The following RPS6KC1 variants were observed in gnomAD, a reference collection of about 807,000 sequenced individuals.
RPS6KC1 encodes the protein ribosomal protein S6 kinase C1.
A neutral mutation model predicts 103.8 loss-of-function variants in RPS6KC1; 54 were observed. The observed-to-expected ratio is 0.52, with a 90% confidence interval of 0.42 to 0.65. The LOEUF is 0.65. Among genes scored for constraint, RPS6KC1 ranks in the 30% least tolerant of loss-of-function variants. The pLI is 0.00. For synonymous variants in RPS6KC1, 439 were observed against 438.7 expected, an observed-to-expected ratio of 1.00 and a Z score of -0.01; for missense variants, 1,151 against 1,253.8, an observed-to-expected ratio of 0.92 and a Z score of 1.24.
chr1:213,619,555 G>A, the RPS6KC1 span, among the ~76,000 whole-genome samples: 1 of 152,230 alleles, frequency 6.6e-6, no homozygotes, highest in African/African-American at 2.4e-5. Flanking sequence ...AGCCAAGAGA[G>A]TCTGCAACAG....
At chr1:213,531,950 A>G in the RPS6KC1 span, among the ~76,000 whole-genome samples, 6 of 152,150 alleles carry the variant, frequency 3.9e-5, no homozygotes, top group Non-Finnish European at 8.8e-5. Context: ...AAGGAAACCC[A>G]AAGAGGCTGG....
chr1:213,186,012 T>G (rs745645991), intron 8 of RPS6KC1, among the ~76,000 whole-genome samples: 1 of 151,258 alleles, frequency 6.6e-6, no homozygotes, highest in Non-Finnish European at 1.5e-5. Flanking sequence ...ACAAAAATAA[T>G]CTGCAGTTTA....
intron 1 of RPS6KC1, among the ~76,000 whole-genome samples, chr1:213,070,238 TA>T (rs2078746826): frequency 6.6e-6 from 1 of 152,206 alleles, no homozygotes; most frequent in South Asian, 2.1e-4. Flanking sequence ...ACACTTTGCC[TA>T]AGTGCAGCTG....
At chr1:213,759,288 A>G in the RPS6KC1 span, among the ~76,000 whole-genome samples, 1 of 152,162 alleles carries the variant, frequency 6.6e-6, no homozygotes, top group African/African-American at 2.4e-5. Flanking sequence ...CCATAATGCT[A>G]TTGCACACTT....
At chr1:213,623,825 C>T in the RPS6KC1 span, among the ~76,000 whole-genome samples, 2 of 152,164 alleles carry the variant, frequency 1.3e-5, no homozygotes, top group East Asian at 1.9e-4. Flanking sequence ...GCAACACATC[C>T]GCTGAGGTCT....
chr1:213,827,351 T>G, the RPS6KC1 span, among the ~76,000 whole-genome samples: 1 of 152,160 alleles, frequency 6.6e-6, no homozygotes, highest in African/African-American at 2.4e-5. Flanking sequence ...CAACCTTAAC[T>G]TTTAGCTCAC....
the RPS6KC1 span, among the ~76,000 whole-genome samples, chr1:213,446,694 A>G: frequency 6.6e-6 from 1 of 152,220 alleles, no homozygotes; most frequent in Non-Finnish European, 1.5e-5. Flanking sequence ...ACACTCTGTC[A>G]TAGGAGAGTT....
chr1:213,168,685 C>T (rs1411121471), intron 7 of RPS6KC1, among the ~76,000 whole-genome samples: 3 of 151,928 alleles, frequency 2.0e-5, no homozygotes, highest in Admixed American at 6.6e-5. Flanking sequence ...TGCAGTGGCA[C>T]GATCTAGGCT....
the RPS6KC1 span, among the ~76,000 whole-genome samples, chr1:213,657,056 A>C: frequency 6.6e-6 from 1 of 152,236 alleles, no homozygotes; most frequent in Non-Finnish European, 1.5e-5. Flanking sequence ...TGATGAACAT[A>C]GTTGGAAATG....
the RPS6KC1 span, among the ~76,000 whole-genome samples, chr1:213,628,514 A>G: frequency 6.6e-6 from 1 of 151,896 alleles, no homozygotes; most frequent in Non-Finnish European, 1.5e-5. Context: ...TTTAGGGTAC[A>G]TATGCACAGC....
At chr1:213,772,327 G>A in the RPS6KC1 span, among the ~76,000 whole-genome samples, 1 of 152,154 alleles carries the variant, frequency 6.6e-6, no homozygotes, top group Non-Finnish European at 1.5e-5. Flanking sequence ...CCAGGTGACC[G>A]GCCGCCTTTC....
the RPS6KC1 span, among the ~76,000 whole-genome samples, chr1:213,550,693 C>A: frequency 2.0e-5 from 3 of 152,172 alleles, no homozygotes; most frequent in Non-Finnish European, 4.4e-5. Context: ...TACGCTTGTC[C>A]TTTGTTTAGG....
the RPS6KC1 span, among the ~76,000 whole-genome samples, chr1:213,564,821 T>C: frequency 2.0e-5 from 3 of 152,234 alleles, no homozygotes; most frequent in Non-Finnish European, 4.4e-5. Context: ...AACAACCTTT[T>C]ATTAGTTAAC....
At position 213,172,463 on chromosome 1, in the gene RPS6KC1, T is replaced by A. The variant is rs373332385; in HGVS notation, c.952-3937T>A. Among the ~76,000 whole-genome samples, 40 of 152,074 alleles carry A rather than the reference T, an allele frequency of 2.6e-4. No individual in the cohort carries two copies. The East Asian group carries it at 7.8e-3, about 29-fold the overall frequency. ...ACAAAAAATAAAAAAATAAAAAAAT[T>A]AGCCAGGTGTGGTGGCACATGCCAG... On this transcript the variant is annotated intron_variant, in intron 7 of 14. Coordinates refer to ENST00000366960, the MANE Select transcript of RPS6KC1 (RefSeq NM_012424.6).
At chr1:213,765,284 C>T in the RPS6KC1 span, among the ~76,000 whole-genome samples, 1 of 152,158 alleles carries the variant, frequency 6.6e-6, no homozygotes, top group African/African-American at 2.4e-5. Context: ...CAGAACAATT[C>T]CATAGCGCCC....
the RPS6KC1 span, among the ~76,000 whole-genome samples, chr1:213,485,366 C>T: frequency 7.2e-5 from 11 of 152,058 alleles, no homozygotes; most frequent in African/African-American, 2.7e-4. Flanking sequence ...GGCACTTCTG[C>T]TTGCCCTGCA....
chr1:213,271,120 C>T (rs1442552460), intron 14 of RPS6KC1, among the ~76,000 whole-genome samples: 1 of 152,184 alleles, frequency 6.6e-6, no homozygotes, highest in Non-Finnish European at 1.5e-5. Context: ...TACACAAAGA[C>T]ATGTACATGA....
At chr1:213,725,416 C>T in the RPS6KC1 span, among the ~76,000 whole-genome samples, 32 of 152,362 alleles carry the variant, frequency 2.1e-4, no homozygotes, top group East Asian at 1.9e-3. Flanking sequence ...TCAGGCCGCT[C>T]GGCAGCCAGC....
At chr1:213,113,290 G>A (rs1298565622) in intron 4 of RPS6KC1, among the ~76,000 whole-genome samples, 1 of 151,980 alleles carries the variant, frequency 6.6e-6, no homozygotes, top group Non-Finnish European at 1.5e-5. Flanking sequence ...TTGTGGTTTT[G>A]ATTTGCATTT....
Sources: allele counts gnomAD v4.1 joint callset (sites outside exome capture counted in the v4.1 genomes callset), GRCh38; gene constraint gnomAD v4.1.1; transcripts MANE v1.5; gene names NCBI Gene and HGNC (gene_info 2026-07-23, HGNC 2026-07-21).